Variants in ECT2L observed in about 807,000 individuals in gnomAD.
The protein encoded by ECT2L is epithelial cell-transforming sequence 2 oncogene-like.
A neutral mutation model predicts 122.8 loss-of-function variants in ECT2L; 126 were observed. The ratio of observed to expected loss-of-function variants is 1.03; its 90% confidence interval spans 0.89 to 1.19. The LOEUF (loss-of-function observed/expected upper bound fraction) is 1.19. Among genes scored for constraint, ECT2L ranks in the 50% most tolerant of loss-of-function variants. The probability of loss-of-function intolerance (pLI) is 0.00; values close to 1 mark genes in which losing one functional copy is unlikely to be tolerated. For synonymous variants in ECT2L, 385 were observed against 381.8 expected (o/e 1.01, Z -0.10); for missense variants, 1,012 against 1,064.1 (o/e 0.95, Z 0.68).
intron 4 of ECT2L, among the ~76,000 whole-genome samples, chr6:138,829,752 TC>T (rs1277058694): frequency 6.6e-6 from 1 of 151,918 alleles, no homozygotes; most frequent in African/African-American, 2.4e-5. Context: ...AGACAGAGTC[TC>T]ACTCTGTTTC....
At chr6:138,803,525 G>T (rs1266527720) in intron 1 of ECT2L, among the ~76,000 whole-genome samples, 1 of 152,122 alleles carries the variant, frequency 6.6e-6, no homozygotes, top group African/African-American at 2.4e-5. Flanking sequence ...AACAACAGCT[G>T]GGCATCTTAA....
chr6:138,832,184 G>GGT (rs767182389), intron 4 of ECT2L, among the ~76,000 whole-genome samples: 7 of 144,616 alleles, frequency 4.8e-5, no homozygotes, highest in African/African-American at 7.6e-5. Context: ...TCAAATGTCT[G>GGT]TTTTTTTTTT....
chr6:138,828,468 A>G (rs1186071069), intron 4 of ECT2L, among the ~76,000 whole-genome samples: 1 of 151,746 alleles, frequency 6.6e-6, no homozygotes, highest in African/African-American at 2.4e-5. Context: ...GATGAAAGTC[A>G]GGTTTGATTT....
At chr6:138,883,947 C>T (rs1273947112) in intron 16 of ECT2L, among the ~76,000 whole-genome samples, 2 of 152,180 alleles carry the variant, frequency 1.3e-5, no homozygotes, top group Non-Finnish European at 2.9e-5. Context: ...ACTGCAGCCT[C>T]GACTTCCCCA....
chr6:138,860,458 C>T (rs1374694801), intron 10 of ECT2L, among the ~76,000 whole-genome samples: 2 of 151,982 alleles, frequency 1.3e-5, no homozygotes, highest in African/African-American at 4.8e-5. Context: ...TGTATGTGTA[C>T]ATTGGACTCT....
chr6:138,847,431 C>T (rs1189046333), intron 8 of ECT2L, among the ~76,000 whole-genome samples: 13 of 117,376 alleles, frequency 1.1e-4, no homozygotes, highest in Non-Finnish European at 1.8e-4. Flanking sequence ...AGTGCAGTGG[C>T]GCAATCTCGG....
At chr6:138,863,264 G>A (rs2128399398) in intron 11 of ECT2L, among the ~76,000 whole-genome samples, 1 of 152,206 alleles carries the variant, frequency 6.6e-6, no homozygotes. Context: ...TTGTTACACC[G>A]ACACCACTCA....
At chr6:138,901,796 C>T (rs1162245537) in intron 21 of ECT2L, among the ~76,000 whole-genome samples, 2 of 152,110 alleles carry the variant, frequency 1.3e-5, no homozygotes, top group Non-Finnish European at 2.9e-5. Flanking sequence ...TCTCTCATTC[C>T]AATGTTTTTC....
Position 138,854,115 on chromosome 6 carries a change from G to C in ECT2L, c.1159G>C (p.Gly387Arg). ...LGSYVATEEE[G>R]GHVDFFVPLG... ...AAGCTATGTGGCCACTGAAGAAGAAGGGGGTCACGTGGACTTCTTCGTGCC... is the reference window on the plus strand; with the variant it reads ...AAGCTATGTGGCCACTGAAGAAGAACGGGGTCACGTGGACTTCTTCGTGCC... Residue 387 changes from glycine (G) to arginine (R), a missense_variant, in exon 10 of 22, where the codon GGG becomes CGG. By Grantham distance (125) the Gly-to-Arg change is moderately radical. Coordinates refer to ENST00000541398, the MANE Select transcript of ECT2L (RefSeq NM_001077706.3). The C allele has an allele frequency of 6.2e-7, 1 of 1,614,136 alleles. No individual in the cohort carries two copies. Among genetic ancestry groups the C allele is most frequent in the Non-Finnish European group, 8.5e-7 (1 of 1,180,006 alleles).
intron 14 of ECT2L, 47 bp from the exon 15 acceptor site, chr6:138,880,910 C>A: frequency 6.4e-7 from 1 of 1,556,482 alleles, no homozygotes; most frequent in Non-Finnish European, 8.8e-7. Flanking sequence ...CTGCTCAGCA[C>A]TTCTACTTCT....
chr6:138,889,299 C>G (rs918005509), intron 20 of ECT2L, among the ~76,000 whole-genome samples: 1 of 152,050 alleles, frequency 6.6e-6, no homozygotes, highest in Non-Finnish European at 1.5e-5. Flanking sequence ...AGCAGGCATT[C>G]TAAAGGTTGG....
chr6:138,849,248 A>G, intron 8 of ECT2L, 21 bp from the exon 9 acceptor site: 3 of 1,579,220 alleles, frequency 1.9e-6, no homozygotes, highest in Admixed American at 1.8e-5. Flanking sequence ...TGGCTCTTAC[A>G]GCTTTGGTTT....
At chr6:138,872,180 G>A (rs1189928203) in intron 13 of ECT2L, among the ~76,000 whole-genome samples, 2 of 152,132 alleles carry the variant, frequency 1.3e-5, no homozygotes, top group African/African-American at 4.8e-5. Flanking sequence ...GGATATCTAA[G>A]CCCTTTACAG....
chr6:138,885,435 G>A (rs1582658190), intron 16 of ECT2L, 71 bp from the exon 17 acceptor site: 2 of 1,476,292 alleles, frequency 1.4e-6, no homozygotes, highest in East Asian at 2.3e-5. Context: ...CATAGATCAT[G>A]CTTGCTCAGT....
chr6:138,797,355 A>G (rs1410505479), intron 1 of ECT2L, among the ~76,000 whole-genome samples: 1 of 152,176 alleles, frequency 6.6e-6, no homozygotes, highest in Non-Finnish European at 1.5e-5. Flanking sequence ...TTTGATAAAT[A>G]AAGGAATCAT....
At chr6:138,825,958 T>G (rs1278668592) in intron 4 of ECT2L, among the ~76,000 whole-genome samples, 1 of 152,180 alleles carries the variant, frequency 6.6e-6, no homozygotes, top group Non-Finnish European at 1.5e-5. Flanking sequence ...TCCCCCTGCC[T>G]TAGTCAACGA....
chr6:138,860,816 C>T (rs1349791155), intron 10 of ECT2L, among the ~76,000 whole-genome samples: 2 of 151,182 alleles, frequency 1.3e-5, no homozygotes, highest in Non-Finnish European at 2.9e-5. Context: ...CTTATCAACC[C>T]GTCGTCTAGG....
chr6:138,861,213 G>A lies in ECT2L; in HGVS notation c.1199-1414G>A, dbSNP rs1025709131. ...TACATGTTCATGTGTCTTTATACTA[G>A]AATGATTTATAATCCTTTGGGTATA... On this transcript the variant is annotated intron_variant, in intron 10 of 21. Coordinates refer to ENST00000541398, the MANE Select transcript of ECT2L (RefSeq NM_001077706.3). Among the ~76,000 whole-genome samples the A allele has an allele frequency of 2.6e-5, 4 of 152,234 alleles. No homozygotes were observed. In the East Asian group the frequency reaches 5.8e-4, roughly 22 times the overall value.
At chr6:138,862,977 C>G (rs1466603137) in intron 11 of ECT2L, among the ~76,000 whole-genome samples, 2 of 152,156 alleles carry the variant, frequency 1.3e-5, no homozygotes, top group African/African-American at 2.4e-5. Context: ...TAATCTTTAG[C>G]AATTAAGCAA....
Sources: allele counts gnomAD v4.1 joint callset (sites outside exome capture counted in the v4.1 genomes callset), GRCh38; gene constraint gnomAD v4.1.1; transcripts MANE v1.5; gene names NCBI Gene and HGNC (gene_info 2026-07-23, HGNC 2026-07-21).